Variants in MMP16 observed in about 807,000 individuals in gnomAD.
The protein encoded by MMP16 is matrix metalloproteinase-16.
MMP16 carries 12 observed loss-of-function variants against 67.8 expected under a neutral mutation model. The observed-to-expected ratio is 0.18, with a 90% CI of 0.11 to 0.29. The LOEUF (loss-of-function observed/expected upper bound fraction) is 0.29. Ranked by LOEUF, MMP16 falls within the 10% of genes least tolerant of loss-of-function variation. The pLI is 1.00. For synonymous variants in MMP16, 249 were observed against 255.9 expected (o/e 0.97, Z 0.26); for missense variants, 475 against 765.7 (o/e 0.62, Z 4.48).
intron 4 of MMP16, among the ~76,000 whole-genome samples, chr8:88,131,114 G>C (rs1425585265): frequency 1.3e-5 from 2 of 151,632 alleles, no homozygotes; most frequent in Non-Finnish European, 2.9e-5. Flanking sequence ...AATCTTTTAA[G>C]GTAGACGTAA....
chr8:88,082,604 T>G (rs950054463), intron 6 of MMP16, among the ~76,000 whole-genome samples: 1 of 152,116 alleles, frequency 6.6e-6, no homozygotes, highest in Non-Finnish European at 1.5e-5. Context: ...TTAACATTGT[T>G]TTATAGGCAT....
intron 6 of MMP16, among the ~76,000 whole-genome samples, chr8:88,110,997 C>T (rs1416906794): frequency 6.6e-6 from 1 of 151,556 alleles, no homozygotes; most frequent in Non-Finnish European, 1.5e-5. Flanking sequence ...CTACTATGTT[C>T]AGGACACTGT....
intron 4 of MMP16, among the ~76,000 whole-genome samples, chr8:88,143,240 A>C (rs1404570981): frequency 6.6e-6 from 1 of 152,168 alleles, no homozygotes; most frequent in Non-Finnish European, 1.5e-5. Flanking sequence ...AGGAAAATGA[A>C]GTAAATACAT....
At chr8:88,111,802 C>T (rs948267819) in intron 6 of MMP16, among the ~76,000 whole-genome samples, 3 of 151,632 alleles carry the variant, frequency 2.0e-5, no homozygotes, top group African/African-American at 7.3e-5. Context: ...ACAAAACCAC[C>T]TTGGCAAATG....
intron 6 of MMP16, among the ~76,000 whole-genome samples, chr8:88,093,709 T>C (rs1198140022): frequency 6.6e-6 from 1 of 151,898 alleles, no homozygotes; most frequent in Non-Finnish European, 1.5e-5. Flanking sequence ...TCAAGCAGCA[T>C]TTTTAATAGC....
intron 4 of MMP16, among the ~76,000 whole-genome samples, chr8:88,127,408 G>A (rs1247120453): frequency 6.6e-6 from 1 of 151,846 alleles, no homozygotes; most frequent in Non-Finnish European, 1.5e-5. Context: ...TGAGGGCTAA[G>A]GTAGTGATGA....
chr8:88,200,448 C>CTTGAA (rs1267414668), intron 1 of MMP16, among the ~76,000 whole-genome samples: 1 of 151,896 alleles, frequency 6.6e-6, no homozygotes, highest in Non-Finnish European at 1.5e-5. Context: ...AAAATCTCAC[C>CTTGAA]TTGAATTACA....
At chr8:88,291,692 G>A (rs948440833) in intron 1 of MMP16, among the ~76,000 whole-genome samples, 1 of 152,046 alleles carries the variant, frequency 6.6e-6, no homozygotes, top group Non-Finnish European at 1.5e-5. Flanking sequence ...AAAATACCAA[G>A]TCCCAAGCAA....
At chr8:88,149,217 C>T (rs1808351819) in intron 4 of MMP16, among the ~76,000 whole-genome samples, 1 of 152,200 alleles carries the variant, frequency 6.6e-6, no homozygotes, top group Non-Finnish European at 1.5e-5. Flanking sequence ...CCTACACCCA[C>T]GGAATCTCGC....
chr8:88,318,095 A>G (rs900778105), intron 1 of MMP16, among the ~76,000 whole-genome samples: 2 of 152,222 alleles, frequency 1.3e-5, no homozygotes, highest in Non-Finnish European at 2.9e-5. Flanking sequence ...AGACACACAC[A>G]TTCCTGCCCT....
chr8:88,195,095 C>G (rs1459576749), intron 2 of MMP16, among the ~76,000 whole-genome samples: 1 of 152,082 alleles, frequency 6.6e-6, no homozygotes, highest in Non-Finnish European at 1.5e-5. Context: ...TGCCAGAGAA[C>G]AGCAAACTGT....
intron 1 of MMP16, among the ~76,000 whole-genome samples, chr8:88,246,359 C>T (rs1360798637): frequency 2.0e-5 from 3 of 152,102 alleles, no homozygotes; most frequent in African/African-American, 7.2e-5. Context: ...GGCAACCAGA[C>T]ACATCTTACA....
intron 3 of MMP16, among the ~76,000 whole-genome samples, chr8:88,184,774 AAAAAG>A (rs1809045890): frequency 2.4e-5 from 3 of 126,638 alleles, no homozygotes; most frequent in African/African-American, 2.8e-5. Context: ...AAAAAAAAAA[AAAAAG>A]AAAAGAAAAA....
At chr8:88,242,535 G>C (rs954493801) in intron 1 of MMP16, among the ~76,000 whole-genome samples, 1 of 152,136 alleles carries the variant, frequency 6.6e-6, no homozygotes, top group Non-Finnish European at 1.5e-5. Context: ...CTGGTCCAAA[G>C]ACTTGAAACC....
intron 4 of MMP16, among the ~76,000 whole-genome samples, chr8:88,145,691 G>A (rs1808278719): frequency 6.6e-6 from 1 of 151,884 alleles, no homozygotes; most frequent in Non-Finnish European, 1.5e-5. Context: ...TCATTAGCAC[G>A]TCACTAACTA....
intron 1 of MMP16, among the ~76,000 whole-genome samples, chr8:88,234,346 A>C (rs1385624691): frequency 6.6e-6 from 1 of 152,206 alleles, no homozygotes; most frequent in Non-Finnish European, 1.5e-5. Flanking sequence ...TGCTTTCCTA[A>C]GAATTTAATA....
chr8:88,134,239 C>T (rs1808081470), intron 4 of MMP16, among the ~76,000 whole-genome samples: 1 of 151,740 alleles, frequency 6.6e-6, no homozygotes, highest in Non-Finnish European at 1.5e-5. Context: ...ATCCCAGAGT[C>T]TCCCTTGGTC....
Position 88,058,237 on chromosome 8 carries a change from AAGG to A in MMP16, c.1223-1962_1223-1960del, listed in dbSNP as rs1808355845. 6.6e-6 allele frequency among the ~76,000 whole-genome samples: 1 copy of A among 152,152 alleles called. No individual in the cohort carries two copies. Among genetic ancestry groups the A allele is most frequent in the Non-Finnish European group, 1.5e-5 (1 of 68,008 alleles). ...TACTTAGAGTGTACTGGAGGCCATC[AAGG>A]AGATTAAGTTTGTGTTGGGTTGTGA... On this transcript the variant is annotated intron_variant, in intron 7 of 9. Transcript: ENST00000286614. This position sits in a 1 kb window ranked among gnomAD's most constrained non-coding sequence, Gnocchi z 4.2.
At position 88,116,624 on chromosome 8, in the gene MMP16, C is replaced by T. The variant is rs760765908; in HGVS notation, c.966G>A (p.Arg322=). 34 of 1,613,736 alleles carry T rather than the reference C, an allele frequency of 2.1e-5. No individual in the cohort carries two copies. Among genetic ancestry groups the T allele is most frequent in the Admixed American group, 3.3e-5 (2 of 59,946 alleles). ...CGGTTGGAGGCCGAGGAGGTTTTGG[C>T]CTGTCATTTTTCCTTGGGTCAGCCG... ...IPPADPRKND[R]PKPPRPPTGR... Residue 322 remains arginine (R), a synonymous_variant, in exon 6 of 10, where the codon AGG becomes AGA. Coordinates refer to ENST00000286614, the MANE Select transcript of MMP16 (RefSeq NM_005941.5).
Sources: allele counts gnomAD v4.1 joint callset (sites outside exome capture counted in the v4.1 genomes callset), GRCh38; gene constraint gnomAD v4.1.1; non-coding constraint Gnocchi (gnomAD v3.1); transcripts MANE v1.5; gene names NCBI Gene and HGNC (gene_info 2026-07-23, HGNC 2026-07-21).